Variants in HYCC1 observed in about 807,000 individuals in gnomAD.
HYCC1 encodes hyccin.
chr7:23,012,861 C>T, the HYCC1 span, among the ~76,000 whole-genome samples: 1 of 152,076 alleles, frequency 6.6e-6, no homozygotes, highest in Admixed American at 6.5e-5. Flanking sequence ...AAAGAGGTGG[C>T]CCACCTGCTC....
At chr7:22,910,009 G>A in the HYCC1 span, among the ~76,000 whole-genome samples, 1 of 152,184 alleles carries the variant, frequency 6.6e-6, no homozygotes, top group Non-Finnish European at 1.5e-5. Context: ...GGACATGACT[G>A]TTTGAAATAA....
At chr7:22,967,638 C>T in the HYCC1 span, among the ~76,000 whole-genome samples, 1 of 152,118 alleles carries the variant, frequency 6.6e-6, no homozygotes. Context: ...TTCATTGAAA[C>T]TGGAGATGGG....
chr7:22,969,318 TTGTG>T, the HYCC1 span, among the ~76,000 whole-genome samples: 1 of 148,392 alleles, frequency 6.7e-6, no homozygotes, highest in Non-Finnish European at 1.5e-5. Flanking sequence ...CCTGTTTATT[TTGTG>T]TGTGTGTGTG....
At chr7:22,902,574 C>T in the HYCC1 span, among the ~76,000 whole-genome samples, 5 of 151,846 alleles carry the variant, frequency 3.3e-5, no homozygotes, top group East Asian at 1.9e-4. Context: ...CCTTAGCAAA[C>T]GGTAGATATA....
chr7:23,010,751 A>G, the HYCC1 span, among the ~76,000 whole-genome samples: 8 of 152,214 alleles, frequency 5.3e-5, no homozygotes, highest in African/African-American at 1.9e-4. Context: ...CCTCTGGAAA[A>G]CAAAATTCTT....
the HYCC1 span, among the ~76,000 whole-genome samples, chr7:22,990,835 GA>G: frequency 6.6e-6 from 1 of 151,994 alleles, no homozygotes; most frequent in Non-Finnish European, 1.5e-5. Context: ...ATGAAAGAAA[GA>G]AAATAAACAA....
the HYCC1 span, among the ~76,000 whole-genome samples, chr7:22,927,880 C>T: frequency 6.6e-6 from 1 of 151,864 alleles, no homozygotes; most frequent in Non-Finnish European, 1.5e-5. Context: ...GAGACACAAC[C>T]AAAAAAGAGA....
the HYCC1 span, among the ~76,000 whole-genome samples, chr7:22,916,120 A>G: frequency 6.6e-6 from 1 of 152,126 alleles, no homozygotes; most frequent in Non-Finnish European, 1.5e-5. Context: ...CATGCTTTAA[A>G]AGGATTAAAG....
At chr7:22,930,767 T>C in the HYCC1 span, among the ~76,000 whole-genome samples, 16,059 of 152,118 alleles carry the variant, frequency 0.11, 1,037 homozygotes, top group South Asian at 0.18. Flanking sequence ...ATTTTTATGG[T>C]GTAAAGAATT....
the HYCC1 span, among the ~76,000 whole-genome samples, chr7:23,003,317 C>G: frequency 9.9e-5 from 15 of 151,990 alleles, no homozygotes; most frequent in African/African-American, 3.1e-4. Context: ...ACATAGCTGA[C>G]TTAGGGGATT....
chr7:22,907,793 T>A, the HYCC1 span, among the ~76,000 whole-genome samples: 2 of 152,046 alleles, frequency 1.3e-5, no homozygotes, highest in African/African-American at 4.8e-5. Flanking sequence ...ATGCTCATAG[T>A]CCCAGCTGCC....
the HYCC1 span, among the ~76,000 whole-genome samples, chr7:22,950,024 G>C: frequency 9.2e-5 from 14 of 152,090 alleles, no homozygotes; most frequent in African/African-American, 3.4e-4. Context: ...AGATAATTAA[G>C]TAATCCAAAC....
At chr7:22,951,663 T>C in the HYCC1 span, among the ~76,000 whole-genome samples, 1 of 152,016 alleles carries the variant, frequency 6.6e-6, no homozygotes, top group African/African-American at 2.4e-5. Flanking sequence ...ATTAAGCTAT[T>C]CCTTACAGTG....
the HYCC1 span, among the ~76,000 whole-genome samples, chr7:22,996,236 T>C: frequency 6.8e-6 from 1 of 147,682 alleles, no homozygotes; most frequent in Admixed American, 6.9e-5. Flanking sequence ...GAGGTTTCAG[T>C]GAGCCAGGAT....
At chr7:22,917,596 C>T in the HYCC1 span, among the ~76,000 whole-genome samples, 1 of 152,182 alleles carries the variant, frequency 6.6e-6, no homozygotes, top group Non-Finnish European at 1.5e-5. Context: ...TCCCACAGGG[C>T]CTGAAAAGGC....
At chr7:22,986,045 A>T in the HYCC1 span, among the ~76,000 whole-genome samples, 1 of 146,114 alleles carries the variant, frequency 6.8e-6, no homozygotes, top group Non-Finnish European at 1.5e-5. Flanking sequence ...TATATATATC[A>T]TCTAGGCTAA....
At chr7:22,958,809 C>G in the HYCC1 span, among the ~76,000 whole-genome samples, 1 of 152,118 alleles carries the variant, frequency 6.6e-6, no homozygotes, top group Non-Finnish European at 1.5e-5. Context: ...GCAGGACCTA[C>G]ATTTCTCTCC....
At chr7:22,917,444 C>T in the HYCC1 span, among the ~76,000 whole-genome samples, 1 of 152,078 alleles carries the variant, frequency 6.6e-6, no homozygotes, top group African/African-American at 2.4e-5. Context: ...TTGTTCAGGC[C>T]CCCTCTCTTC....
the HYCC1 span, among the ~76,000 whole-genome samples, chr7:22,994,194 A>C: frequency 6.6e-6 from 1 of 152,214 alleles, no homozygotes; most frequent in South Asian, 2.1e-4. Flanking sequence ...CCAAATGTCC[A>C]TCAGTAGTTG....
Sources: allele counts gnomAD v4.1 joint callset (sites outside exome capture counted in the v4.1 genomes callset), GRCh38; gene constraint gnomAD v4.1.1; transcripts MANE v1.5; gene names NCBI Gene and HGNC (gene_info 2026-07-23, HGNC 2026-07-21).